Variants in CCNH observed in about 807,000 individuals in gnomAD.
CCNH encodes cyclin-H.
Under a neutral mutation model 41.9 loss-of-function variants are expected in CCNH, and 31 were observed. That is an observed-to-expected ratio of 0.74 (90% CI 0.56 to 1.00). CCNH has a LOEUF of 1.00. Ranked by LOEUF, CCNH falls within the 50% of genes least tolerant of loss-of-function variation. The pLI, the probability that CCNH is intolerant of heterozygous loss-of-function variation, is 0.00. For synonymous variants in CCNH, 138 were observed against 136.1 expected, an observed-to-expected ratio of 1.01 and a Z score of -0.10; for missense variants, 362 against 388.4, an observed-to-expected ratio of 0.93 and a Z score of 0.57.
At chr5:87,395,385 T>C (rs1468167968) in intron 7 of CCNH, among the ~76,000 whole-genome samples, 1 of 151,324 alleles carries the variant, frequency 6.6e-6, no homozygotes, top group African/African-American at 2.4e-5. Flanking sequence ...GGAGCGAATA[T>C]AAAAAAGAAC....
At position 87,344,678 on chromosome 5, in the gene CCNH, A is replaced by ATT. The variant is rs113174684; in HGVS notation, c.*91-25783_*91-25782dup. Among the ~76,000 whole-genome samples, 113 of 131,204 alleles carry ATT rather than the reference A, an allele frequency of 8.6e-4. 1 individual carries two copies. Among genetic ancestry groups the ATT allele is most frequent in the Middle Eastern group, 4.1e-3 (1 of 242 alleles). The allele number at this position is 131,204 out of a possible 152,430, so 86.1% of individuals were successfully genotyped here. On this transcript the variant is annotated intron_variant and NMD_transcript_variant, in intron 9 of 9. Coordinates refer to the CCNH transcript ENST00000645953. ...ACCACCACACCTGGCAAATGTTGTA[A>ATT]TTTTTTTTTTTTTTTTTTTTTGTAA... is the stretch of plus-strand genomic sequence containing the variant.
intron 9 of CCNH, among the ~76,000 whole-genome samples, chr5:87,349,637 A>G (rs1030002061): frequency 6.6e-6 from 1 of 151,914 alleles, no homozygotes; most frequent in Non-Finnish European, 1.5e-5. Context: ...TACTAAATCC[A>G]TGTGTTATCT....
intron 9 of CCNH, among the ~76,000 whole-genome samples, chr5:87,323,395 T>A (rs1756968558): frequency 6.6e-6 from 1 of 152,146 alleles, no homozygotes; most frequent in South Asian, 2.1e-4. Context: ...ATGGGCATAT[T>A]GTGGAGAACT....
intron 2 of CCNH, among the ~76,000 whole-genome samples, chr5:87,410,174 A>G (rs1382455718): frequency 6.6e-6 from 1 of 152,222 alleles, no homozygotes; most frequent in Non-Finnish European, 1.5e-5. Flanking sequence ...AAGTATTTTA[A>G]AAGTTTAGTT....
intron 9 of CCNH, among the ~76,000 whole-genome samples, chr5:87,367,583 T>C (rs2112469466): frequency 6.6e-6 from 1 of 152,340 alleles, no homozygotes; most frequent in East Asian, 1.9e-4. Flanking sequence ...AAGCACTCCA[T>C]TTCCTTGTAT....
chr5:87,376,205 CAG>C (rs1580385315), downstream of CCNH: 1 of 665,604 alleles, frequency 1.5e-6, no homozygotes, highest in Admixed American at 2.6e-5. Flanking sequence ...CTCTACCTAT[CAG>C]AGTTTAGTGC....
chr5:87,348,428 C>T (rs1759017284), intron 9 of CCNH, among the ~76,000 whole-genome samples: 1 of 151,790 alleles, frequency 6.6e-6, no homozygotes, highest in Non-Finnish European at 1.5e-5. Flanking sequence ...GAGTCACTGC[C>T]AATCAAAGAT....
chr5:87,384,257 A>T (rs1761921671), intron 9 of CCNH, among the ~76,000 whole-genome samples: 1 of 152,158 alleles, frequency 6.6e-6, no homozygotes, highest in Admixed American at 6.6e-5. Flanking sequence ...CCAGTTATAT[A>T]GTGTAAATTG....
rs562080686 is a variant in CCNH, at chr5:87,354,249, CTTA to C, written c.*91-35355_*91-35353del. 8.5e-5 allele frequency among the ~76,000 whole-genome samples: 13 copies of C among 152,124 alleles called. No homozygotes were observed. The South Asian group carries it at 1.0e-3, about 12-fold the overall frequency. On this transcript the variant is annotated intron_variant and NMD_transcript_variant, in intron 9 of 9. Transcript: ENST00000645953. ...CACACTTCATTTTATTGTGCATTGC[CTTA>C]TTATGTTTCAAAGATAGTTTTTTTT...
chr5:87,328,610 TAAA>T (rs555119448), intron 9 of CCNH, among the ~76,000 whole-genome samples: 75 of 152,198 alleles, frequency 4.9e-4, no homozygotes, highest in Non-Finnish European at 9.3e-4. Context: ...CCACCTGAAA[TAAA>T]AAGAATTACA....
intron 9 of CCNH, among the ~76,000 whole-genome samples, chr5:87,340,419 GT>G (rs967149949): frequency 1.5e-4 from 22 of 146,136 alleles, no homozygotes; most frequent in South Asian, 6.5e-4. Flanking sequence ...CATTTTTATA[GT>G]TTTTTTTTTT....
intron 9 of CCNH, among the ~76,000 whole-genome samples, chr5:87,338,903 T>C (rs1264647373): frequency 6.6e-6 from 1 of 152,154 alleles, no homozygotes; most frequent in African/African-American, 2.4e-5. Context: ...GTTTCCATCA[T>C]ATAATACGTT....
intron 9 of CCNH, chr5:87,363,349 C>G (rs200610401): frequency 5.0e-6 from 8 of 1,604,366 alleles, no homozygotes; most frequent in Non-Finnish European, 6.8e-6. Context: ...TTTAAACAGG[C>G]AAAGGAAAAC....
intron 9 of CCNH, among the ~76,000 whole-genome samples, chr5:87,384,150 A>G (rs1260800841): frequency 6.6e-6 from 1 of 152,198 alleles, no homozygotes; most frequent in Non-Finnish European, 1.5e-5. Flanking sequence ...TAGATCTTCA[A>G]GATCAAATTA....
At chr5:87,335,246 C>T (rs554071638) in intron 9 of CCNH, among the ~76,000 whole-genome samples, 1 of 152,072 alleles carries the variant, frequency 6.6e-6, no homozygotes, top group Non-Finnish European at 1.5e-5. Context: ...TGAAGAAGAA[C>T]AGAGTGAGTC....
intron 9 of CCNH, among the ~76,000 whole-genome samples, chr5:87,320,190 T>A (rs1447168810): frequency 6.6e-6 from 1 of 152,178 alleles, no homozygotes; most frequent in African/African-American, 2.4e-5. Flanking sequence ...AGCATTTTGG[T>A]TACAATTATT....
chr5:87,390,943 G>T, downstream of CCNH: 1 of 1,496,782 alleles, frequency 6.7e-7, no homozygotes, highest in East Asian at 2.3e-5. Flanking sequence ...ATTCACTTCA[G>T]TTTAATGTCT....
chr5:87,363,662 TA>T (rs1760282963), intron 9 of CCNH, among the ~76,000 whole-genome samples: 1 of 152,098 alleles, frequency 6.6e-6, no homozygotes, highest in African/African-American at 2.4e-5. Context: ...TGTAGACTAA[TA>T]TATACATAAA....
intron 9 of CCNH, among the ~76,000 whole-genome samples, chr5:87,328,957 A>T (rs1472226052): frequency 7.6e-6 from 1 of 132,196 alleles, no homozygotes; most frequent in East Asian, 2.5e-4. Flanking sequence ...TTACAAGCTG[A>T]TGGCTGGATA....
Sources: gnomAD v4.1 joint callset for allele counts (sites outside exome capture counted in the v4.1 genomes callset) on GRCh38, gnomAD v4.1.1 for gene constraint, MANE v1.5 for transcripts, NCBI Gene and HGNC (gene_info 2026-07-23, HGNC 2026-07-21) for gene names.